ANKS1B: variants seen among roughly 807,000 people sequenced by gnomAD.
ANKS1B encodes the protein ankyrin repeat and sterile alpha motif domain-containing protein 1B.
In ANKS1B, 36 loss-of-function variants were observed where a neutral mutation model predicts 148.3. That is an observed-to-expected ratio of 0.24 (90% confidence interval 0.19 to 0.32). The LOEUF (loss-of-function observed/expected upper bound fraction) is 0.32. Ranked by LOEUF, ANKS1B falls within the 10% of genes least tolerant of loss-of-function variation. ANKS1B has a pLI of 1.00. For synonymous variants in ANKS1B, 542 were observed against 560.8 expected, an observed-to-expected ratio of 0.97 and a Z score of 0.47; for missense variants, 1,157 against 1,542.6, an observed-to-expected ratio of 0.75 and a Z score of 4.19.
intron 11 of ANKS1B, 94 bp from the exon 12 acceptor site, chr12:99,399,905 C>T: frequency 8.1e-7 from 1 of 1,233,456 alleles, no homozygotes; most frequent in South Asian, 1.3e-5. Flanking sequence ...TAATTTTTTT[C>T]AGTTAAAAAC....
intron 9 of ANKS1B, among the ~76,000 whole-genome samples, chr12:99,547,858 A>G (rs1014541071): frequency 1.3e-5 from 2 of 152,204 alleles, no homozygotes; most frequent in African/African-American, 4.8e-5. Context: ...AGTTTATGCT[A>G]GATTTTTACA....
At chr12:98,746,404 C>A (rs1212265434) in intron 26 of ANKS1B, among the ~76,000 whole-genome samples, 1 of 152,210 alleles carries the variant, frequency 6.6e-6, no homozygotes, top group Admixed American at 6.5e-5. Flanking sequence ...TGCCCGAGTT[C>A]CCTTCTCCAG....
At chr12:98,882,263 T>G (rs1023199027) in intron 17 of ANKS1B, among the ~76,000 whole-genome samples, 2 of 152,194 alleles carry the variant, frequency 1.3e-5, no homozygotes, top group African/African-American at 4.8e-5. Flanking sequence ...GATACAGGGC[T>G]ACAGTGCTTG....
At chr12:99,015,590 G>C (rs532752273) in intron 17 of ANKS1B, among the ~76,000 whole-genome samples, 2 of 152,312 alleles carry the variant, frequency 1.3e-5, no homozygotes, top group African/African-American at 4.8e-5. Context: ...GCTTTGGCCG[G>C]GAGCAGTGGC....
intron 17 of ANKS1B, among the ~76,000 whole-genome samples, chr12:98,983,839 T>C (rs966081065): frequency 3.9e-5 from 6 of 152,196 alleles, no homozygotes; most frequent in African/African-American, 7.2e-5. Flanking sequence ...TAATTCTCTT[T>C]AGCTCTCAGC....
At chr12:99,048,886 T>C (rs1209558918) in intron 17 of ANKS1B, 1 of 152,256 alleles carries the variant, frequency 6.6e-6, no homozygotes, top group Non-Finnish European at 1.5e-5. Context: ...CTTTACCTGA[T>C]ATATGCCTGG....
intron 17 of ANKS1B, among the ~76,000 whole-genome samples, chr12:98,927,904 C>T (rs1473895672): frequency 1.3e-5 from 2 of 150,562 alleles, no homozygotes; most frequent in Non-Finnish European, 3.0e-5. Flanking sequence ...AAACCTAAAG[C>T]AAGAAGAAGA....
chr12:99,825,182 G>A (rs1041826391), intron 2 of ANKS1B, 127 bp downstream of exon 2: 16 of 709,350 alleles, frequency 2.3e-5, no homozygotes, highest in Middle Eastern at 4.0e-4. Flanking sequence ...TTGTCACCTG[G>A]TCCCTTTCCA....
intron 12 of ANKS1B, among the ~76,000 whole-genome samples, chr12:99,380,754 C>CTCCT (rs144164931): frequency 0.12 from 15,838 of 132,578 alleles, 999 homozygotes; most frequent in Admixed American, 0.15. Flanking sequence ...GTTTCCTTTC[C>CTCCT]TCCTTCCTTC....
intron 10 of ANKS1B, among the ~76,000 whole-genome samples, chr12:99,482,924 A>G (rs1033786688): frequency 6.6e-6 from 1 of 151,864 alleles, no homozygotes; most frequent in African/African-American, 2.4e-5. Context: ...TTTTTAGAAT[A>G]TTCTAAATAT....
rs181942206 is a variant in ANKS1B, at chr12:99,666,107, T to C, written c.1129-10897A>G. On this transcript the variant is annotated intron_variant, in intron 8 of 26. Transcript: ENST00000683438. The stretch of plus-strand genomic sequence containing the variant: ...CCCATTGAAGTGCCCTGCAGTTTTT[T>C]TGAAAATCAATTGACCATACGTGTA... 1.8e-3 allele frequency among the ~76,000 whole-genome samples: 271 copies of C among 152,348 alleles called. 2 individuals are homozygous for C. Among genetic ancestry groups the C allele is most frequent in the African/African-American group, 5.2e-3 (217 of 41,584 alleles).
At chr12:99,852,629 T>C (rs762571712) in intron 1 of ANKS1B, among the ~76,000 whole-genome samples, 1 of 152,186 alleles carries the variant, frequency 6.6e-6, no homozygotes, top group Non-Finnish European at 1.5e-5. Flanking sequence ...CACTCGGATG[T>C]ACAGAGCAGC....
intron 8 of ANKS1B, among the ~76,000 whole-genome samples, chr12:99,756,469 G>A (rs1018603471): frequency 6.6e-6 from 1 of 152,032 alleles, no homozygotes; most frequent in Non-Finnish European, 1.5e-5. Context: ...CTAATGGATA[G>A]GAAGAATCAA....
At chr12:98,782,056 G>T in intron 23 of ANKS1B, 70 bp downstream of exon 23, 1 of 1,273,534 alleles carries the variant, frequency 7.9e-7, no homozygotes, top group Non-Finnish European at 1.1e-6. Context: ...CCAGTCACCA[G>T]CAGTCAGTTT....
chr12:99,058,127 A>C (rs139593356), intron 16 of ANKS1B, among the ~76,000 whole-genome samples: 1 of 152,250 alleles, frequency 6.6e-6, no homozygotes, highest in East Asian at 1.9e-4. Flanking sequence ...CTATTGGCAA[A>C]TGCATCTTCA....
chr12:99,284,815 C>T (rs2078913910), intron 12 of ANKS1B, among the ~76,000 whole-genome samples: 2 of 152,068 alleles, frequency 1.3e-5, no homozygotes, highest in Non-Finnish European at 2.9e-5. Context: ...GTGATCCGGC[C>T]CCTCCCTGCC....
chr12:99,928,500 G>C lies in ANKS1B; in HGVS notation c.134+55604C>G, dbSNP rs188809769. ...TCACCTTGTTAGCCAGGATGGTCTC[G>C]ATCTCCTGACCTCATGATCCACCCG... On this transcript the variant is annotated intron_variant, in intron 1 of 26. Coordinates refer to ENST00000683438, the MANE Select transcript of ANKS1B (RefSeq NM_001352186.2). Among the ~76,000 whole-genome samples the C allele has an allele frequency of 8.1e-4, 123 of 151,388 alleles. 2 individuals are homozygous for C. The highest frequency in any genetic ancestry group is 2.6e-3 in the African/African-American group (108 of 41,230).
intron 14 of ANKS1B, among the ~76,000 whole-genome samples, chr12:99,166,693 A>G (rs1007039296): frequency 3.3e-5 from 5 of 152,074 alleles, no homozygotes; most frequent in African/African-American, 1.2e-4. Context: ...TCCCAAATAT[A>G]TCTATACATT....
intron 19 of ANKS1B, among the ~76,000 whole-genome samples, chr12:98,809,243 T>A (rs1410084332): frequency 6.6e-6 from 1 of 152,164 alleles, no homozygotes; most frequent in South Asian, 2.1e-4. Flanking sequence ...ATTTTATACA[T>A]CCATAGAGGG....
Sources: gnomAD v4.1 joint callset for allele counts (sites outside exome capture counted in the v4.1 genomes callset) on GRCh38, gnomAD v4.1.1 for gene constraint, MANE v1.5 for transcripts, NCBI Gene and HGNC (gene_info 2026-07-23, HGNC 2026-07-21) for gene names.